AUTS2: variants seen among roughly 807,000 people sequenced by gnomAD.
AUTS2 encodes the protein autism susceptibility gene 2 protein.
In AUTS2, 17 loss-of-function variants were observed where a neutral mutation model predicts 112.4. The observed-to-expected ratio is 0.15, with a 90% confidence interval of 0.10 to 0.23. The LOEUF (loss-of-function observed/expected upper bound fraction) is 0.23. Ranked by LOEUF, AUTS2 falls within the 10% of genes least tolerant of loss-of-function variation. The pLI, the probability that AUTS2 is intolerant of heterozygous loss-of-function variation, is 1.00. For missense variants in AUTS2, 1,510 were observed against 1,701.6 expected (o/e 0.89, Z 1.98); for synonymous variants, 751 against 702.7 (o/e 1.07, Z -1.09).
At chr7:69,675,533 G>A in intron 1 of AUTS2, among the ~76,000 whole-genome samples, 1 of 137,630 alleles carries the variant, frequency 7.3e-6, no homozygotes, top group Non-Finnish European at 1.5e-5. Flanking sequence ...TTTTGAGATG[G>A]AGTCTTGCTC....
intron 1 of AUTS2, among the ~76,000 whole-genome samples, chr7:69,685,688 A>G (rs1797031759): frequency 6.6e-6 from 1 of 152,084 alleles, no homozygotes; most frequent in African/African-American, 2.4e-5. Flanking sequence ...GCAATGGTAG[A>G]AGTAGAGTAT....
intron 3 of AUTS2, among the ~76,000 whole-genome samples, chr7:70,123,049 A>G (rs950437137): frequency 1.3e-5 from 2 of 151,612 alleles, no homozygotes; most frequent in South Asian, 2.1e-4. Flanking sequence ...CTAATTTTTC[A>G]TATTTTTAGT....
chr7:70,613,964 C>T (rs1374055572), intron 5 of AUTS2, among the ~76,000 whole-genome samples: 1 of 152,188 alleles, frequency 6.6e-6, no homozygotes, highest in Admixed American at 6.5e-5. Flanking sequence ...TCCCAAGCTC[C>T]AAATGAATTA....
intron 1 of AUTS2, among the ~76,000 whole-genome samples, chr7:69,609,789 A>G (rs983434667): frequency 6.6e-6 from 1 of 152,254 alleles, no homozygotes; most frequent in African/African-American, 2.4e-5. Context: ...TTGTCTGTTC[A>G]TTGCTGAACC....
intron 1 of AUTS2, among the ~76,000 whole-genome samples, chr7:69,773,762 C>T (rs773384029): frequency 2.0e-5 from 3 of 152,188 alleles, no homozygotes; most frequent in Non-Finnish European, 4.4e-5. Flanking sequence ...GTTAGTACTC[C>T]ATGGCAGAGC....
intron 4 of AUTS2, among the ~76,000 whole-genome samples, chr7:70,185,135 T>C (rs968575128): frequency 6.6e-6 from 1 of 152,158 alleles, no homozygotes; most frequent in African/African-American, 2.4e-5. Flanking sequence ...GAACTAATAT[T>C]CACTAGAGCA....
intron 1 of AUTS2, among the ~76,000 whole-genome samples, chr7:69,711,265 C>T (rs1360480225): frequency 6.6e-6 from 1 of 152,032 alleles, no homozygotes; most frequent in African/African-American, 2.4e-5. Flanking sequence ...TAAGAATGAG[C>T]TCATTAACAT....
At chr7:69,885,363 T>C (rs750124111) in intron 1 of AUTS2, among the ~76,000 whole-genome samples, 5 of 152,210 alleles carry the variant, frequency 3.3e-5, no homozygotes, top group Non-Finnish European at 7.3e-5. Context: ...GGTTGTCAAT[T>C]TTACAGAAAA....
chr7:69,624,365 C>T (rs1051430547), intron 1 of AUTS2, among the ~76,000 whole-genome samples: 3 of 152,168 alleles, frequency 2.0e-5, no homozygotes, highest in African/African-American at 7.2e-5. Context: ...GTTCCTTCCT[C>T]CTCTCTATCC....
intron 1 of AUTS2, among the ~76,000 whole-genome samples, chr7:69,701,456 C>T (rs1378530948): frequency 6.6e-6 from 1 of 152,124 alleles, no homozygotes; most frequent in Admixed American, 6.5e-5. Flanking sequence ...CTGCAAGGAG[C>T]CCTCGTGCCT....
chr7:69,978,902 GCACACACGCACA>G (rs1020485037), intron 2 of AUTS2, among the ~76,000 whole-genome samples: 19 of 75,296 alleles, frequency 2.5e-4, no homozygotes, highest in Admixed American at 6.7e-4. Flanking sequence ...ACACACACAC[GCACACACGCACA>G]CACACACGCA....
intron 5 of AUTS2, among the ~76,000 whole-genome samples, chr7:70,471,581 A>G (rs1241088617): frequency 6.6e-6 from 1 of 152,150 alleles, no homozygotes; most frequent in Non-Finnish European, 1.5e-5. Context: ...GCACTATTAT[A>G]GGCGCTGGGG....
intron 2 of AUTS2, among the ~76,000 whole-genome samples, chr7:70,017,012 A>G (rs554131225): frequency 3.9e-5 from 6 of 152,288 alleles, no homozygotes; most frequent in African/African-American, 1.4e-4. Flanking sequence ...AGAATGGTAT[A>G]CAAGTAAATA....
chr7:70,395,761 A>T (rs1297135996), intron 4 of AUTS2, among the ~76,000 whole-genome samples: 3 of 152,310 alleles, frequency 2.0e-5, no homozygotes, highest in East Asian at 3.9e-4. Flanking sequence ...TACGAGAGTC[A>T]GAAGAGTTGG....
intron 1 of AUTS2, among the ~76,000 whole-genome samples, chr7:69,882,601 AAAT>A (rs1794103696): frequency 6.6e-6 from 1 of 152,180 alleles, no homozygotes; most frequent in African/African-American, 2.4e-5. Flanking sequence ...ATAGTAATAA[AAAT>A]AATTAATTTG....
chr7:70,562,564 G>A (rs907500253), intron 5 of AUTS2, among the ~76,000 whole-genome samples: 1 of 152,140 alleles, frequency 6.6e-6, no homozygotes, highest in Non-Finnish European at 1.5e-5. Context: ...CATACCTCTA[G>A]GATAGCACTT....
At chr7:70,369,790 A>T (rs1792756607) in intron 4 of AUTS2, among the ~76,000 whole-genome samples, 1 of 152,230 alleles carries the variant, frequency 6.6e-6, no homozygotes, top group African/African-American at 2.4e-5. Context: ...AAAAGACTTC[A>T]TAATAATCCA....
At chr7:69,789,157 C>T (rs1385884005) in intron 1 of AUTS2, among the ~76,000 whole-genome samples, 1 of 152,128 alleles carries the variant, frequency 6.6e-6, no homozygotes, top group Non-Finnish European at 1.5e-5. Flanking sequence ...GCATTTAAGG[C>T]CACTTTGACA....
In AUTS2 at chr7:70,663,477, C is replaced by T. The variant is rs370512605; in HGVS notation, c.691-35092C>T. On this transcript the variant is annotated intron_variant, in intron 5 of 18. Transcript: ENST00000342771. ...GGAAGAAAGGCTTCAATGGAACGGA[C>T]GTTGACTTCTCGTCCATCCGACAGT... Among the ~76,000 whole-genome samples, 10 of 152,286 alleles carry T rather than the reference C, an allele frequency of 6.6e-5. No individual in the cohort carries two copies. The South Asian group carries it at 2.1e-3, about 32-fold the overall frequency.
Sources: allele counts gnomAD v4.1 joint callset (sites outside exome capture counted in the v4.1 genomes callset), GRCh38; gene constraint gnomAD v4.1.1; transcripts MANE v1.5; gene names NCBI Gene and HGNC (gene_info 2026-07-23, HGNC 2026-07-21).